Variants in SASH1 observed in about 807,000 individuals in gnomAD.
SASH1 encodes SAM and SH3 domain-containing protein 1.
Under a neutral mutation model 125.2 loss-of-function variants are expected in SASH1, and 44 were observed. The observed-to-expected ratio is 0.35, with a 90% CI of 0.28 to 0.45. The LOEUF (loss-of-function observed/expected upper bound fraction) is 0.45. SASH1 is among the 20% of genes least tolerant of loss of function. The pLI is 1.00. For missense variants in SASH1, 1,426 were observed against 1,614.5 expected (o/e 0.88, Z 2.00); for synonymous variants, 639 against 649.1 (o/e 0.98, Z 0.24).
chr6:148,497,367 G>C (rs1206292563), intron 8 of SASH1, among the ~76,000 whole-genome samples: 2 of 152,140 alleles, frequency 1.3e-5, no homozygotes, highest in Non-Finnish European at 2.9e-5. Flanking sequence ...GAGTCCCTAA[G>C]ATCACCATGT....
At chr6:148,539,055 T>C (rs1782057306) in intron 16 of SASH1, among the ~76,000 whole-genome samples, 1 of 151,762 alleles carries the variant, frequency 6.6e-6, no homozygotes, top group Non-Finnish European at 1.5e-5. Context: ...CGTGATTTAC[T>C]TGGGGCAGAT....
intron 4 of SASH1, among the ~76,000 whole-genome samples, chr6:148,467,568 G>A (rs1305940159): frequency 2.0e-5 from 3 of 152,128 alleles, no homozygotes; most frequent in Non-Finnish European, 4.4e-5. Flanking sequence ...GACATGTATT[G>A]ATTAATTTGG....
intron 1 of SASH1, among the ~76,000 whole-genome samples, chr6:148,366,241 G>A (rs939757393): frequency 5.3e-5 from 8 of 152,056 alleles, no homozygotes; most frequent in Admixed American, 2.6e-4. Flanking sequence ...CTGTGTTCGC[G>A]CCACTGCAGT....
At chr6:148,505,918 G>A (rs1779774568) in intron 8 of SASH1, among the ~76,000 whole-genome samples, 2 of 151,908 alleles carry the variant, frequency 1.3e-5, no homozygotes, top group African/African-American at 2.4e-5. Flanking sequence ...TTACAGGTGT[G>A]AGCCACCGCG....
chr6:148,238,664 C>A, the SASH1 span, among the ~76,000 whole-genome samples: 10 of 145,870 alleles, frequency 6.9e-5, no homozygotes, highest in South Asian at 1.8e-3. Flanking sequence ...ACACACACAT[C>A]CCAAATTGTA....
chr6:148,282,007 A>T (rs1779354606), intron 1 of SASH1, among the ~76,000 whole-genome samples: 1 of 152,218 alleles, frequency 6.6e-6, no homozygotes, highest in African/African-American at 2.4e-5. Context: ...GTACACAATC[A>T]TGTCAGCACT....
chr6:148,324,276 A>T (rs1780739472), intron 1 of SASH1, among the ~76,000 whole-genome samples: 1 of 152,150 alleles, frequency 6.6e-6, no homozygotes, highest in East Asian at 1.9e-4. Context: ...TCTCTGGCCC[A>T]AACTGCTCTC....
At chr6:148,252,805 G>A in the SASH1 span, among the ~76,000 whole-genome samples, 1 of 152,036 alleles carries the variant, frequency 6.6e-6, no homozygotes, top group Non-Finnish European at 1.5e-5. Flanking sequence ...TAACTCTTAG[G>A]ATTTCAGAGT....
chr6:148,265,936 A>C, the SASH1 span, among the ~76,000 whole-genome samples: 1 of 152,168 alleles, frequency 6.6e-6, no homozygotes, highest in Non-Finnish European at 1.5e-5. Context: ...ATACAATTCA[A>C]GGAAGTTGTC....
At chr6:148,517,191 G>T (rs562397166) in intron 9 of SASH1, among the ~76,000 whole-genome samples, 1 of 152,284 alleles carries the variant, frequency 6.6e-6, no homozygotes, top group African/African-American at 2.4e-5. Context: ...GGGTATTATG[G>T]AAAGATAGGT....
chr6:148,354,856 G>A (rs555024890), intron 1 of SASH1, among the ~76,000 whole-genome samples: 38 of 152,200 alleles, frequency 2.5e-4, no homozygotes, highest in African/African-American at 8.9e-4. Flanking sequence ...TCTGCCTCCC[G>A]CGTTCAAGCA....
intron 2 of SASH1, among the ~76,000 whole-genome samples, chr6:148,396,208 G>T (rs1388319058): frequency 6.6e-6 from 1 of 152,152 alleles, no homozygotes; most frequent in Non-Finnish European, 1.5e-5. Context: ...GACGGGTGCA[G>T]TGGCTCACAC....
chr6:148,276,752 C>T (rs1378850851), intron 1 of SASH1, among the ~76,000 whole-genome samples: 1 of 151,978 alleles, frequency 6.6e-6, no homozygotes, highest in Non-Finnish European at 1.5e-5. Context: ...CATTTTTTTA[C>T]CCAAGAAGTG....
In SASH1 at chr6:148,531,497, C is replaced by T. The variant is rs1424917922; in HGVS notation, c.1429-29C>T. ...AACAACACCTGTCCACTCTGATGAA[C>T]TTCTTCATTTTGTTGAAACCCATGG... On this transcript the variant is annotated intron_variant, in intron 12 of 19. Transcript: ENST00000367467. 7 of 1,454,498 alleles carry T rather than the reference C, an allele frequency of 4.8e-6. No individual in the cohort carries two copies. In the African/African-American group the frequency reaches 7.2e-5, roughly 15 times the overall value. 90.1% of individuals were successfully genotyped at this position (1,454,498 alleles called of 1,614,324 possible).
At chr6:148,473,749 G>A (rs879854402) in intron 6 of SASH1, among the ~76,000 whole-genome samples, 1 of 152,212 alleles carries the variant, frequency 6.6e-6, no homozygotes, top group Non-Finnish European at 1.5e-5. Flanking sequence ...TGGAATGCTT[G>A]TATGATCCAG....
Position 148,415,101 on chromosome 6 carries a change from G to A in SASH1, c.285+24839G>A, listed in dbSNP as rs980353347. Among the ~76,000 whole-genome samples, 5 of 152,278 alleles carry A rather than the reference G, an allele frequency of 3.3e-5. No homozygotes were observed. The East Asian group carries it at 9.6e-4, about 29-fold the overall frequency. ...GTGCACAGTATTTTCTTATTTTTAT[G>A]ATGACAAATGAGTAGGGCTTCCATT... On this transcript the variant is annotated intron_variant, in intron 2 of 19. Transcript: ENST00000367467.
intron 17 of SASH1, 30 bp downstream of exon 17, chr6:148,540,586 G>A: frequency 1.3e-6 from 2 of 1,509,864 alleles, no homozygotes; most frequent in Non-Finnish European, 1.8e-6. Flanking sequence ...CTGGGAACCT[G>A]CTTTGACAAG....
rs2115482450 is a variant in SASH1 at position 148,550,794 on chromosome 6, T to C, written c.*2236T>C. The C allele has an allele frequency of 6.6e-6, 1 of 152,366 alleles. No individual in the cohort carries two copies. The highest frequency in any genetic ancestry group is 1.5e-5 in the Non-Finnish European group (1 of 68,036). 9.4% of individuals were successfully genotyped at this position (152,366 alleles called of 1,614,324 possible). A position where few individuals can be genotyped will look rare whatever the true frequency, so the allele number is the denominator to read the frequency against. ...GCTCTCAAAATACCTCGGCTTGACA[T>C]TTGGACAGATCCTGTCATTGTTTAA... On this transcript the variant is annotated 3_prime_UTR_variant, in exon 20 of 20. Coordinates refer to ENST00000367467, the MANE Select transcript of SASH1 (RefSeq NM_015278.5).
At chr6:148,358,936 C>T (rs904846938) in intron 1 of SASH1, among the ~76,000 whole-genome samples, 6 of 151,898 alleles carry the variant, frequency 4.0e-5, no homozygotes, top group South Asian at 2.1e-4. Flanking sequence ...GGGGTTTCAC[C>T]GTGTTAGCCA....
Sources: allele counts gnomAD v4.1 joint callset (sites outside exome capture counted in the v4.1 genomes callset), GRCh38; gene constraint gnomAD v4.1.1; transcripts MANE v1.5; gene names NCBI Gene and HGNC (gene_info 2026-07-23, HGNC 2026-07-21).